KLF12: variants seen among roughly 807,000 people sequenced by gnomAD.
The protein encoded by KLF12 is Krueppel-like factor 12.
A neutral mutation model predicts 37.8 loss-of-function variants in KLF12; 9 were observed. The ratio of observed to expected loss-of-function variants is 0.24; its 90% confidence interval spans 0.14 to 0.42. KLF12 has a LOEUF of 0.42. Among genes scored for constraint, KLF12 ranks in the 10% least tolerant of loss-of-function variants. The pLI, the probability that KLF12 is intolerant of heterozygous loss-of-function variation, is 1.00. For synonymous variants in KLF12, 208 were observed against 202.1 expected (o/e 1.03, Z -0.25); for missense variants, 411 against 516.0 (o/e 0.80, Z 1.97).
chr13:73,863,090 A>G (rs528941003), intron 3 of KLF12, among the ~76,000 whole-genome samples: 1 of 152,254 alleles, frequency 6.6e-6, no homozygotes, highest in South Asian at 2.1e-4. Context: ...CAGATTTACC[A>G]CCATAATTAT....
the KLF12 span, among the ~76,000 whole-genome samples, chr13:74,286,481 A>G: frequency 3.3e-5 from 5 of 152,228 alleles, no homozygotes; most frequent in Non-Finnish European, 7.3e-5. Flanking sequence ...AATTTTCTCT[A>G]ATGTAATTGT....
the KLF12 span, among the ~76,000 whole-genome samples, chr13:74,303,948 G>A: frequency 2.0e-5 from 3 of 151,962 alleles, no homozygotes; most frequent in East Asian, 1.9e-4. Flanking sequence ...TGTCTTGTGC[G>A]GCACAGTTGC....
intron 2 of KLF12, among the ~76,000 whole-genome samples, chr13:73,948,670 C>T (rs746122271): frequency 2.0e-5 from 3 of 152,208 alleles, no homozygotes; most frequent in Non-Finnish European, 2.9e-5. Context: ...TTCAACTTCT[C>T]TCACTTCTAC....
chr13:73,958,854 G>C (rs1254967076), intron 2 of KLF12, among the ~76,000 whole-genome samples: 1 of 150,326 alleles, frequency 6.7e-6, no homozygotes, highest in Non-Finnish European at 1.5e-5. Flanking sequence ...CTTAGCGTAT[G>C]AGTCAGTCCC....
chr13:73,960,577 C>A (rs76417591), intron 2 of KLF12, among the ~76,000 whole-genome samples: 2,083 of 152,214 alleles, frequency 0.014, 40 homozygotes, highest in African/African-American at 0.048. Context: ...GTTCTCTAAC[C>A]AGCAATGTGC....
rs537709857 is a variant in KLF12, at chr13:73,689,945, T to C, written c.*5545A>G. On this transcript the variant is annotated 3_prime_UTR_variant, in exon 8 of 8. Coordinates refer to ENST00000377669, the MANE Select transcript of KLF12 (RefSeq NM_007249.5). ...TGGAAATTATAATTACCATATGCAA[T>C]AGTGTTCACTGAAGATAAACTTAAT... The C allele has an allele frequency of 6.6e-6, 1 of 152,348 alleles. No individual in the cohort carries two copies. Among genetic ancestry groups the C allele is most frequent in the East Asian group, 1.9e-4 (1 of 5,188 alleles). The allele number at this position is 152,348 out of a possible 1,614,324, so 9.4% of individuals were successfully genotyped here.
chr13:74,013,358 C>G (rs1892598264), intron 1 of KLF12, among the ~76,000 whole-genome samples: 1 of 152,222 alleles, frequency 6.6e-6, no homozygotes, highest in African/African-American at 2.4e-5. Flanking sequence ...GCTAGCCAGA[C>G]AGAGTAAGGC....
At chr13:74,252,494 T>C in the KLF12 span, among the ~76,000 whole-genome samples, 4 of 152,156 alleles carry the variant, frequency 2.6e-5, no homozygotes, top group Non-Finnish European at 5.9e-5. Flanking sequence ...TCTACAACCT[T>C]CAGCATATCA....
intron 2 of KLF12, among the ~76,000 whole-genome samples, chr13:73,970,161 C>T (rs192305809): frequency 1.6e-4 from 24 of 152,228 alleles, no homozygotes; most frequent in Non-Finnish European, 3.4e-4. Context: ...AGTGAGAAAA[C>T]ACAGAGGGTA....
chr13:74,241,658 C>T, the KLF12 span, among the ~76,000 whole-genome samples: 1 of 152,212 alleles, frequency 6.6e-6, no homozygotes, highest in Admixed American at 6.5e-5. Flanking sequence ...CGTGGTGCGC[C>T]GTTTTTTAAG....
intron 7 of KLF12, among the ~76,000 whole-genome samples, chr13:73,699,360 T>C (rs1874381136): frequency 6.6e-6 from 1 of 152,162 alleles, no homozygotes; most frequent in South Asian, 2.1e-4. Flanking sequence ...CATTCCAGCC[T>C]GTGTGACCAG....
intron 3 of KLF12, among the ~76,000 whole-genome samples, chr13:73,890,349 G>T (rs1887444167): frequency 6.6e-6 from 1 of 151,944 alleles, no homozygotes; most frequent in African/African-American, 2.4e-5. Context: ...TTTCTGACTA[G>T]AAACCCCACT....
chr13:73,980,368 A>T (rs1007575537), intron 2 of KLF12, among the ~76,000 whole-genome samples: 1 of 152,190 alleles, frequency 6.6e-6, no homozygotes, highest in African/African-American at 2.4e-5. Flanking sequence ...TAACATAGCT[A>T]CCAAAACCCA....
intron 3 of KLF12, among the ~76,000 whole-genome samples, chr13:73,898,777 C>T (rs1023132831): frequency 6.6e-6 from 1 of 152,190 alleles, no homozygotes; most frequent in Non-Finnish European, 1.5e-5. Flanking sequence ...TTACACAATA[C>T]TCCTTATTGA....
intron 1 of KLF12, among the ~76,000 whole-genome samples, chr13:74,117,292 T>C (rs1705382965): frequency 6.6e-6 from 1 of 152,142 alleles, no homozygotes; most frequent in Non-Finnish European, 1.5e-5. Context: ...TATCCTGTAA[T>C]ACCAGAAAGT....
chr13:73,816,859 A>G (rs556066181), intron 4 of KLF12, among the ~76,000 whole-genome samples: 1 of 152,326 alleles, frequency 6.6e-6, no homozygotes, highest in African/African-American at 2.4e-5. Context: ...CAGGCGGCCA[A>G]TCCCACTGTG....
At chr13:74,194,384 T>G in the KLF12 span, among the ~76,000 whole-genome samples, 1 of 152,326 alleles carries the variant, frequency 6.6e-6, no homozygotes, top group Non-Finnish European at 1.5e-5. Flanking sequence ...AAAAAAGAGA[T>G]ATTTATTTTC....
chr13:73,812,126 C>A (rs1882969885), intron 5 of KLF12, among the ~76,000 whole-genome samples: 1 of 144,702 alleles, frequency 6.9e-6, no homozygotes, highest in African/African-American at 2.4e-5. Flanking sequence ...CTAAAAATTA[C>A]TCTAGAAGAC....
upstream of KLF12, among the ~76,000 whole-genome samples, chr13:74,134,186 A>AGGGG (rs546775182): frequency 9.6e-6 from 1 of 104,134 alleles, no homozygotes; most frequent in African/African-American, 3.7e-5. Context: ...GGGTGCTGTG[A>AGGGG]GGGGGGGGGC....
Sources: gnomAD v4.1 joint callset for allele counts (sites outside exome capture counted in the v4.1 genomes callset) on GRCh38, gnomAD v4.1.1 for gene constraint, MANE v1.5 for transcripts, NCBI Gene and HGNC (gene_info 2026-07-23, HGNC 2026-07-21) for gene names.